MAGI2: variants seen among roughly 807,000 people sequenced by gnomAD.
MAGI2 encodes the protein membrane associated guanylate kinase, WW and PDZ domain containing 2.
MAGI2 carries 35 observed loss-of-function variants against 133.3 expected under a neutral mutation model. The observed-to-expected ratio is 0.26, with a 90% CI of 0.20 to 0.35. The LOEUF (loss-of-function observed/expected upper bound fraction) is 0.35. Among genes scored for constraint, MAGI2 ranks in the 10% least tolerant of loss-of-function variants. The probability of loss-of-function intolerance (pLI) is 1.00; values close to 1 mark genes in which losing one functional copy is unlikely to be tolerated. For synonymous variants in MAGI2, 729 were observed against 710.6 expected, an observed-to-expected ratio of 1.03 and a Z score of -0.41; for missense variants, 1,636 against 1,863.4, an observed-to-expected ratio of 0.88 and a Z score of 2.25.
intron 2 of MAGI2, among the ~76,000 whole-genome samples, chr7:78,786,644 T>C (rs1826843962): frequency 6.6e-6 from 1 of 152,204 alleles, no homozygotes; most frequent in Admixed American, 6.5e-5. Context: ...TTCTCTTAGG[T>C]ATCTCTATGG....
At chr7:78,969,702 G>C (rs748040982) in intron 2 of MAGI2, among the ~76,000 whole-genome samples, 72 of 152,060 alleles carry the variant, frequency 4.7e-4, no homozygotes, top group African/African-American at 1.7e-3. Flanking sequence ...GTGCAGTAGG[G>C]TTCTCATTTA....
At chr7:78,304,225 A>G (rs1798074998) in intron 9 of MAGI2, among the ~76,000 whole-genome samples, 1 of 152,102 alleles carries the variant, frequency 6.6e-6, no homozygotes. Flanking sequence ...CTACAACTCC[A>G]CAGCTTTCCA....
At chr7:78,237,891 T>C (rs1212832827) in intron 10 of MAGI2, among the ~76,000 whole-genome samples, 1 of 152,196 alleles carries the variant, frequency 6.6e-6, no homozygotes, top group Non-Finnish European at 1.5e-5. Flanking sequence ...TTCTTGCCAA[T>C]TAGTCAATCA....
intron 1 of MAGI2, among the ~76,000 whole-genome samples, chr7:79,318,067 C>A (rs982177985): frequency 1.3e-5 from 2 of 152,076 alleles, no homozygotes; most frequent in Non-Finnish European, 2.9e-5. Flanking sequence ...CCTCTTACAC[C>A]GAAAAGGTAG....
intron 6 of MAGI2, among the ~76,000 whole-genome samples, chr7:78,440,988 A>C (rs1787564588): frequency 6.6e-6 from 1 of 152,132 alleles, no homozygotes; most frequent in African/African-American, 2.4e-5. Flanking sequence ...GAGAAGTCCA[A>C]GCGGAAATGT....
chr7:78,429,901 T>C (rs1032211591), intron 6 of MAGI2, among the ~76,000 whole-genome samples: 2 of 152,046 alleles, frequency 1.3e-5, no homozygotes, highest in Non-Finnish European at 2.9e-5. Flanking sequence ...TATTGAGAGG[T>C]TAAGTAATTT....
intron 2 of MAGI2, among the ~76,000 whole-genome samples, chr7:78,936,921 T>A (rs879737079): frequency 2.0e-5 from 3 of 152,054 alleles, no homozygotes; most frequent in Non-Finnish European, 4.4e-5. Context: ...TATACATACA[T>A]CTATTTTCTA....
chr7:79,007,071 T>C lies in MAGI2; in HGVS notation c.418+19A>G, dbSNP rs1477200675. ...TTATCTCTCAACATAAAAATATTAATACTGCCCATTGTACTCACATGGCAC... is the reference window on the plus strand; with the variant it reads ...TTATCTCTCAACATAAAAATATTAACACTGCCCATTGTACTCACATGGCAC... On this transcript the variant is annotated intron_variant, in intron 2 of 21. Coordinates refer to ENST00000354212, the MANE Select transcript of MAGI2 (RefSeq NM_012301.4). 2 of 1,473,444 alleles carry C rather than the reference T, an allele frequency of 1.4e-6. No homozygotes were observed. The highest frequency in any genetic ancestry group is 1.9e-6 in the Non-Finnish European group (2 of 1,075,376). 91.3% of individuals were successfully genotyped at this position (1,473,444 alleles called of 1,614,324 possible).
At chr7:78,069,561 AG>A (rs1814256780) in intron 21 of MAGI2, among the ~76,000 whole-genome samples, 1 of 151,446 alleles carries the variant, frequency 6.6e-6, no homozygotes, top group African/African-American at 2.4e-5. Flanking sequence ...AGAGAGAGAG[AG>A]AGAGAGAGAG....
At chr7:79,389,947 C>T (rs1007122296) in intron 1 of MAGI2, among the ~76,000 whole-genome samples, 2 of 152,044 alleles carry the variant, frequency 1.3e-5, no homozygotes, top group Admixed American at 1.3e-4. Flanking sequence ...CATTATTTCC[C>T]CAATTATATA....
intron 15 of MAGI2, among the ~76,000 whole-genome samples, chr7:78,162,894 G>A (rs1176001077): frequency 6.6e-6 from 1 of 152,144 alleles, no homozygotes; most frequent in Non-Finnish European, 1.5e-5. Flanking sequence ...TCTGGCTCTG[G>A]ACCCAAGTGA....
chr7:78,610,752 A>G (rs530270926), intron 3 of MAGI2, among the ~76,000 whole-genome samples: 3 of 152,358 alleles, frequency 2.0e-5, no homozygotes, highest in African/African-American at 7.2e-5. Flanking sequence ...TCTGCCAAGC[A>G]TACTTTAGGA....
At position 78,464,292 on chromosome 7, in the gene MAGI2, A is replaced by G. The variant is rs545196589; in HGVS notation, c.1045+25469T>C. ...CTACTCTGCGACACTCCAAGAATTA[A>G]TGCCTGCCAAATTTACTAATAACAT... On this transcript the variant is annotated intron_variant, in intron 6 of 21. Transcript: ENST00000354212. 2.6e-5 allele frequency among the ~76,000 whole-genome samples: 4 copies of G among 152,268 alleles called. No individual in the cohort carries two copies. In the South Asian group the frequency reaches 8.3e-4, roughly 32 times the overall value.
At chr7:79,039,779 C>T (rs184223176) in intron 1 of MAGI2, among the ~76,000 whole-genome samples, 287 of 146,622 alleles carry the variant, frequency 2.0e-3, no homozygotes, top group African/African-American at 7.0e-3. Context: ...GTTAGGAGTT[C>T]GAGACATATA....
intron 6 of MAGI2, among the ~76,000 whole-genome samples, chr7:78,451,784 C>T (rs1788751690): frequency 6.6e-6 from 1 of 152,048 alleles, no homozygotes; most frequent in African/African-American, 2.4e-5. Context: ...AGCTTCTTTC[C>T]TGGATCAGGG....
intron 2 of MAGI2, among the ~76,000 whole-genome samples, chr7:78,725,602 T>A (rs1200348557): frequency 1.3e-5 from 2 of 152,144 alleles, no homozygotes; most frequent in African/African-American, 4.8e-5. Context: ...ATAGAGACCA[T>A]CCTGGCTAAC....
chr7:79,409,709 T>A (rs1229251052), intron 1 of MAGI2, among the ~76,000 whole-genome samples: 4 of 152,102 alleles, frequency 2.6e-5, no homozygotes, highest in Admixed American at 2.6e-4. Context: ...TCTCTCCCAT[T>A]ATGTCTAATA....
Position 79,260,383 on chromosome 7 carries a change from CATA to C in MAGI2, c.301+192634_301+192636del, listed in dbSNP as rs1344550128. On this transcript the variant is annotated intron_variant, in intron 1 of 21. Coordinates refer to ENST00000354212, the MANE Select transcript of MAGI2 (RefSeq NM_012301.4). ...AAGTAAATACATACATACATACATA[CATA>C]CATACATACATACATACATACATAC... Among the ~76,000 whole-genome samples the C allele has an allele frequency of 5.9e-3, 162 of 27,452 alleles. 1 individual carries two copies. Among genetic ancestry groups the C allele is most frequent in the African/African-American group, 0.011 (153 of 13,770 alleles). 18.0% of individuals were successfully genotyped at this position (27,452 alleles called of 152,430 possible). A position where few individuals can be genotyped will look rare whatever the true frequency, so the allele number is the denominator to read the frequency against.
intron 11 of MAGI2, among the ~76,000 whole-genome samples, chr7:78,196,271 G>A (rs1828724797): frequency 6.6e-6 from 1 of 150,608 alleles, no homozygotes; most frequent in African/African-American, 2.4e-5. Flanking sequence ...CCTGCCCCTC[G>A]CACCACTTCC....
Sources: allele counts gnomAD v4.1 joint callset (sites outside exome capture counted in the v4.1 genomes callset), GRCh38; gene constraint gnomAD v4.1.1; transcripts MANE v1.5; gene names NCBI Gene and HGNC (gene_info 2026-07-23, HGNC 2026-07-21).